PIK3R3: variants seen among roughly 807,000 people sequenced by gnomAD.
PIK3R3 encodes the protein phosphoinositide-3-kinase regulatory subunit 3.
PIK3R3 carries 64 observed loss-of-function variants against 62.9 expected under a neutral mutation model. The ratio of observed to expected loss-of-function variants is 1.02; its 90% confidence interval spans 0.83 to 1.25. The LOEUF (loss-of-function observed/expected upper bound fraction) is 1.25, where lower values mean the gene tolerates loss of function less well. Among genes scored for constraint, PIK3R3 ranks in the 50% most tolerant of loss-of-function variants. The pLI is 0.00. For synonymous variants in PIK3R3, 165 were observed against 189.0 expected (o/e 0.87, Z 1.04); for missense variants, 614 against 561.6 (o/e 1.09, Z -0.94).
In PIK3R3 at chr1:46,071,710, A is replaced by T. The variant is rs866951962; in HGVS notation, c.315-4619T>A. Reference sequence around the variant, plus strand: ...GACTCTGTCTCCAAAAAAAAAAAAAAAAATATATATATATATATATAGAGA... The same window carrying T: ...GACTCTGTCTCCAAAAAAAAAAAAATAAATATATATATATATATATAGAGA... On this transcript the variant is annotated intron_variant, in intron 3 of 9. Transcript: ENST00000262741. Among the ~76,000 whole-genome samples, 237 of 41,068 alleles carry T rather than the reference A, an allele frequency of 5.8e-3. 7 individuals carry two copies. Among genetic ancestry groups the T allele is most frequent in the Admixed American group, 0.013 (63 of 4,844 alleles). The allele number at this position is 41,068 out of a possible 152,430, so 26.9% of individuals were successfully genotyped here. A position where few individuals can be genotyped will look rare whatever the true frequency, so the allele number is the denominator to read the frequency against.
rs1406481606 is a variant in PIK3R3 at position 46,042,594 on chromosome 1, C to T, written c.*1079G>A. On this transcript the variant is annotated 3_prime_UTR_variant, in exon 10 of 10. Transcript: ENST00000262741. The surrounding 1 kb of genome is among the most constrained non-coding windows in gnomAD (Gnocchi z 4.3). ...AGGGGGAAATGAAGGGAAATTAAAC[C>T]ATGTTTACTATTTCTGCAGGGCCTT... is the stretch of plus-strand genomic sequence containing the variant. 9.1e-6 allele frequency: 2 copies of T among 220,894 alleles called. No individual in the cohort carries two copies. The highest frequency in any genetic ancestry group is 4.5e-5 in the African/African-American group (2 of 44,584). The allele number at this position is 220,894 out of a possible 1,614,324, so 13.7% of individuals were successfully genotyped here.
At chr1:46,080,873 T>C (rs189599867) in intron 1 of PIK3R3, 123 bp from the exon 2 acceptor site, 7 of 630,038 alleles carry the variant, frequency 1.1e-5, no homozygotes, top group Admixed American at 8.0e-5. Flanking sequence ...AATTGAGTAT[T>C]ATTTTATGTT....
chr1:46,153,735 G>A, the PIK3R3 span, among the ~76,000 whole-genome samples: 1 of 152,212 alleles, frequency 6.6e-6, no homozygotes, highest in African/African-American at 2.4e-5. Context: ...CACAGAGAGT[G>A]TACTATCACC....
At chr1:46,116,611 G>A (rs960096843) in intron 1 of PIK3R3, among the ~76,000 whole-genome samples, 4 of 149,784 alleles carry the variant, frequency 2.7e-5, no homozygotes, top group African/African-American at 9.9e-5. Flanking sequence ...GCAGTGAGCC[G>A]AGATCACACC....
chr1:46,072,538 A>G (rs1370947272), intron 3 of PIK3R3, among the ~76,000 whole-genome samples: 1 of 152,260 alleles, frequency 6.6e-6, no homozygotes, highest in Non-Finnish European at 1.5e-5. Context: ...TGGATAAACA[A>G]AATGTAGTAT....
intron 7 of PIK3R3, 33 bp downstream of exon 7, chr1:46,055,762 G>T: frequency 2.1e-6 from 3 of 1,445,526 alleles, no homozygotes; most frequent in Non-Finnish European, 2.8e-6. Context: ...TGGCACTAAC[G>T]TCTCCCTCCC....
At chr1:46,160,791 C>T in the PIK3R3 span, among the ~76,000 whole-genome samples, 4 of 152,138 alleles carry the variant, frequency 2.6e-5, no homozygotes, top group African/African-American at 9.7e-5. Flanking sequence ...CATGATTGGC[C>T]AAGATAGGAT....
At chr1:46,048,584 G>A (rs1277623513) in intron 7 of PIK3R3, among the ~76,000 whole-genome samples, 1 of 151,966 alleles carries the variant, frequency 6.6e-6, no homozygotes, top group Non-Finnish European at 1.5e-5. Context: ...ATGCACACTG[G>A]GTAAAAAAGT....
chr1:46,150,830 CAG>C, the PIK3R3 span, among the ~76,000 whole-genome samples: 2 of 96,778 alleles, frequency 2.1e-5, no homozygotes, highest in South Asian at 6.5e-4. Flanking sequence ...TTTTTTGAGA[CAG>C]AGTTTTGTTT....
chr1:46,128,587 A>G (rs1655293568), intron 1 of PIK3R3, among the ~76,000 whole-genome samples: 2 of 152,258 alleles, frequency 1.3e-5, no homozygotes, highest in African/African-American at 2.4e-5. Context: ...TTAAGTAGAA[A>G]GGCACCTAAA....
chr1:46,146,221 C>T, the PIK3R3 span, among the ~76,000 whole-genome samples: 3 of 152,180 alleles, frequency 2.0e-5, no homozygotes, highest in Admixed American at 2.0e-4. Flanking sequence ...CCAAAGATCC[C>T]AGAGTAGTAC....
At chr1:46,154,175 A>G in the PIK3R3 span, among the ~76,000 whole-genome samples, 4 of 152,340 alleles carry the variant, frequency 2.6e-5, no homozygotes, top group South Asian at 8.3e-4. Flanking sequence ...CTATTGCTGA[A>G]AGGAAGAAGG....
intron 1 of PIK3R3, among the ~76,000 whole-genome samples, chr1:46,111,362 C>A (rs1262343046): frequency 1.3e-5 from 2 of 152,080 alleles, no homozygotes; most frequent in African/African-American, 4.8e-5. Flanking sequence ...CAAAGCTTCT[C>A]AGAAACCCAA....
chr1:46,118,716 C>T (rs1189811155), intron 1 of PIK3R3, among the ~76,000 whole-genome samples: 1 of 151,940 alleles, frequency 6.6e-6, no homozygotes, highest in East Asian at 1.9e-4. Flanking sequence ...CCACCACACC[C>T]AGCTAATTTT....
intron 3 of PIK3R3, among the ~76,000 whole-genome samples, chr1:46,070,162 A>G (rs1649357107): frequency 6.6e-6 from 1 of 152,206 alleles, no homozygotes; most frequent in Non-Finnish European, 1.5e-5. Context: ...GTATATTTAT[A>G]TGCTGATGGG....
rs983580144 is a variant in PIK3R3 at position 46,117,821 on chromosome 1, G to A, written c.106+14026C>T. ...ATAATGGCTCAGGCCTGTAACCCCAGCACTTGGGAGGCCAGGGTAAGGGAA... is the reference window on the plus strand; with the variant it reads ...ATAATGGCTCAGGCCTGTAACCCCAACACTTGGGAGGCCAGGGTAAGGGAA... On this transcript the variant is annotated intron_variant, in intron 1 of 9. Transcript: ENST00000262741. Among the ~76,000 whole-genome samples the A allele has an allele frequency of 9.9e-5, 15 of 152,274 alleles. 1 individual carries two copies. Among genetic ancestry groups the A allele is most frequent in the South Asian group, 6.2e-4 (3 of 4,818 alleles).
At position 46,119,435 on chromosome 1, in the gene PIK3R3, G is replaced by T. The variant is rs1001608731; in HGVS notation, c.106+12412C>A. On this transcript the variant is annotated intron_variant, in intron 1 of 9. Transcript: ENST00000262741. ...GTGAGGAAACCACAACACAGAAAAG[G>T]TAAGTAAATTGCCAAAGGACACATG... Among the ~76,000 whole-genome samples the T allele has an allele frequency of 3.9e-5, 6 of 152,060 alleles. No homozygotes were observed. In the East Asian group the frequency reaches 5.8e-4, roughly 15 times the overall value.
chr1:46,171,705 C>CG, the PIK3R3 span, among the ~76,000 whole-genome samples: 1 of 152,048 alleles, frequency 6.6e-6, no homozygotes, highest in African/African-American at 2.4e-5. Flanking sequence ...AGGAAAATCT[C>CG]GGGGGCAGGA....
At chr1:46,128,541 T>C (rs1195275565) in intron 1 of PIK3R3, among the ~76,000 whole-genome samples, 1 of 152,250 alleles carries the variant, frequency 6.6e-6, no homozygotes, top group African/African-American at 2.4e-5. Flanking sequence ...AGCCCTAGGC[T>C]ACTACAATAG....
Sources: gnomAD v4.1 joint callset for allele counts (sites outside exome capture counted in the v4.1 genomes callset) on GRCh38, gnomAD v4.1.1 for gene constraint, Gnocchi (gnomAD v3.1) non-coding constraint, MANE v1.5 for transcripts, NCBI Gene and HGNC (gene_info 2026-07-23, HGNC 2026-07-21) for gene names.